TRIQK: variants seen among roughly 807,000 people sequenced by gnomAD.
The protein encoded by TRIQK is triple QxxK/R motif containing, also known as triple QxxK/R motif-containing protein.
TRIQK carries 10 observed loss-of-function variants against 10.8 expected under a neutral mutation model. The ratio of observed to expected loss-of-function variants is 0.92; its 90% CI spans 0.57 to 1.57. TRIQK has a LOEUF of 1.57. TRIQK is among the 40% of genes most tolerant of loss of function. The pLI is 0.00. For synonymous variants in TRIQK, 33 were observed against 33.7 expected, an observed-to-expected ratio of 0.98 and a Z score of 0.07; for missense variants, 107 against 97.7, an observed-to-expected ratio of 1.09 and a Z score of -0.40.
intron 1 of TRIQK, among the ~76,000 whole-genome samples, chr8:93,012,815 A>G (rs1813348814): frequency 6.6e-6 from 1 of 152,216 alleles, no homozygotes; most frequent in East Asian, 1.9e-4. Context: ...CTCAAAATGT[A>G]GTGCTGGAAC....
intron 1 of TRIQK, among the ~76,000 whole-genome samples, chr8:92,977,309 A>C (rs1489445002): frequency 6.6e-6 from 1 of 152,020 alleles, no homozygotes; most frequent in African/African-American, 2.4e-5. Context: ...CACTACTTTA[A>C]AGGGACTTCA....
chr8:92,886,684 C>T lies in TRIQK; in HGVS notation c.199G>A (p.Ala67Thr), dbSNP rs537478778. 6.5e-7 allele frequency: 1 copy of T among 1,531,530 alleles called. No individual in the cohort carries two copies. Among genetic ancestry groups the T allele is most frequent in the South Asian group, 1.2e-5 (1 of 83,750 alleles). 94.9% of individuals were successfully genotyped at this position (1,531,530 alleles called of 1,614,324 possible). A position where few individuals can be genotyped will look rare whatever the true frequency, so the allele number is the denominator to read the frequency against. ...GTGGTGAGTCTGAGATAAAAGAAAGCATAGAAAGCCAGTAGTAGTGCCAAT... is the reference window on the plus strand; with the variant it reads ...GTGGTGAGTCTGAGATAAAAGAAAGTATAGAAAGCCAGTAGTAGTGCCAAT... ...AILALLLAFY[A>T]FFYLRLTTDV... Residue 67 changes from alanine to threonine, a missense_variant, in exon 5 of 5, where the codon GCT (alanine) becomes ACT (threonine). Coordinates refer to ENST00000521988, the MANE Select transcript of TRIQK (RefSeq NM_001171797.2).
chr8:92,888,429 T>C (rs1309579124), intron 4 of TRIQK, among the ~76,000 whole-genome samples: 1 of 151,612 alleles, frequency 6.6e-6, no homozygotes, highest in African/African-American at 2.4e-5. Context: ...AGAAGACCCA[T>C]TAATTCATTA....
chr8:93,011,201 C>CAT (rs766474499), intron 1 of TRIQK, among the ~76,000 whole-genome samples: 8 of 98,524 alleles, frequency 8.1e-5, no homozygotes, highest in South Asian at 3.6e-4. Flanking sequence ...CACACACACA[C>CAT]ACACATATAT....
Position 92,884,485 on chromosome 8 carries a change from G to A in TRIQK, c.*2137C>T. On this transcript the variant is annotated 3_prime_UTR_variant, in exon 5 of 5. Coordinates refer to ENST00000521988, the MANE Select transcript of TRIQK (RefSeq NM_001171797.2). ...AATCAGTCATACGAATGGACTAGCT[G>A]TAGACTCAGGATATCAATAAAACTA... 1 of 264,432 alleles carries A rather than the reference G, an allele frequency of 3.8e-6. No homozygotes were observed. The highest frequency in any genetic ancestry group is 7.4e-6 in the Non-Finnish European group (1 of 134,702). The allele number at this position is 264,432 out of a possible 1,614,324, so 16.4% of individuals were successfully genotyped here. A position where few individuals can be genotyped will look rare whatever the true frequency, so the allele number is the denominator to read the frequency against.
At chr8:92,935,502 G>A (rs1810941334) in intron 2 of TRIQK, among the ~76,000 whole-genome samples, 1 of 151,176 alleles carries the variant, frequency 6.6e-6, no homozygotes, top group Non-Finnish European at 1.5e-5. Context: ...TGATAAGTAA[G>A]CACAAATTAG....
chr8:92,968,348 C>A (rs1812837904), upstream of TRIQK, among the ~76,000 whole-genome samples: 1 of 152,096 alleles, frequency 6.6e-6, no homozygotes, highest in African/African-American at 2.4e-5. Context: ...AATGGCGTTT[C>A]TGGTTCTAGA....
intron 1 of TRIQK, among the ~76,000 whole-genome samples, chr8:92,996,618 A>G (rs558394327): frequency 1.3e-5 from 2 of 152,146 alleles, no homozygotes; most frequent in South Asian, 2.1e-4. Context: ...TCTTCTTTGA[A>G]TATCTCAATA....
chr8:92,964,793 A>C (rs751765017), intron 1 of TRIQK: 9 of 152,006 alleles, frequency 5.9e-5, no homozygotes, highest in Non-Finnish European at 1.0e-4. Context: ...CTTTTTTAGG[A>C]AGGAAGGGCA....
chr8:92,895,722 G>A (rs1322501715), intron 3 of TRIQK, among the ~76,000 whole-genome samples: 1 of 152,106 alleles, frequency 6.6e-6, no homozygotes, highest in Admixed American at 6.6e-5. Context: ...ACTTTATATG[G>A]AAGACAGAAT....
At chr8:92,939,061 T>C (rs1398467594) in intron 2 of TRIQK, among the ~76,000 whole-genome samples, 3 of 152,194 alleles carry the variant, frequency 2.0e-5, no homozygotes, top group Non-Finnish European at 2.9e-5. Context: ...GGAACTGCAA[T>C]TGTTACATTG....
chr8:92,888,083 G>T (rs1816576631), intron 4 of TRIQK, among the ~76,000 whole-genome samples: 1 of 151,584 alleles, frequency 6.6e-6, no homozygotes, highest in African/African-American at 2.4e-5. Context: ...CCACAGCTGT[G>T]TTCCCAGACC....
At chr8:92,978,123 A>C (rs1812951261) in intron 1 of TRIQK, among the ~76,000 whole-genome samples, 1 of 151,848 alleles carries the variant, frequency 6.6e-6, no homozygotes. Context: ...CAGAGCTCTT[A>C]CTCTGTAGTT....
intron 3 of TRIQK, among the ~76,000 whole-genome samples, chr8:92,914,483 C>T (rs1040835885): frequency 6.6e-6 from 1 of 152,020 alleles, no homozygotes; most frequent in Non-Finnish European, 1.5e-5. Context: ...ACACCATGTA[C>T]TTGAGAAACA....
intron 2 of TRIQK, among the ~76,000 whole-genome samples, chr8:92,942,941 C>T (rs1048390297): frequency 6.6e-6 from 1 of 152,036 alleles, no homozygotes; most frequent in Non-Finnish European, 1.5e-5. Context: ...AATCTGCCTG[C>T]CTCAGCCTTC....
At chr8:92,977,260 C>A (rs1292228887) in intron 1 of TRIQK, among the ~76,000 whole-genome samples, 3 of 151,924 alleles carry the variant, frequency 2.0e-5, no homozygotes, top group Non-Finnish European at 2.9e-5. Context: ...GTATATAATT[C>A]TAAGTCAACA....
chr8:93,010,719 C>T (rs1035020053), intron 1 of TRIQK, among the ~76,000 whole-genome samples: 1 of 151,960 alleles, frequency 6.6e-6, no homozygotes, highest in African/African-American at 2.4e-5. Context: ...TAGATTAATA[C>T]TATAAAATAC....
At position 92,984,868 on chromosome 8, in the gene TRIQK, A is replaced by G. The variant is rs142585598; in HGVS notation, c.-180-30304T>C. On this transcript the variant is annotated intron_variant, in intron 1 of 4. Coordinates refer to the TRIQK transcript ENST00000520686. ...CACAGGTTATCTTGACTGTATAGAC[A>G]TTTTGTGTGTTTTCATATTCCATAA... Among the ~76,000 whole-genome samples the G allele has an allele frequency of 2.8e-3, 432 of 152,188 alleles. 2 individuals carry two copies. The highest frequency in any genetic ancestry group is 1.0e-2 in the African/African-American group (414 of 41,550).
chr8:92,917,743 C>A (rs1809941539), intron 2 of TRIQK, among the ~76,000 whole-genome samples: 1 of 151,720 alleles, frequency 6.6e-6, no homozygotes, highest in Non-Finnish European at 1.5e-5. Context: ...CAAAACAAAA[C>A]TTCTCTTCTA....
Sources: allele counts gnomAD v4.1 joint callset (sites outside exome capture counted in the v4.1 genomes callset), GRCh38; gene constraint gnomAD v4.1.1; transcripts MANE v1.5; gene names NCBI Gene and HGNC (gene_info 2026-07-23, HGNC 2026-07-21).